The following SLC14A2 variants were observed in gnomAD, a reference collection of about 807,000 sequenced individuals.
The protein encoded by SLC14A2 is solute carrier family 14 member 2, also known as urea transporter 2.
SLC14A2 carries 91 observed loss-of-function variants against 104.6 expected under a neutral mutation model. The ratio of observed to expected loss-of-function variants is 0.87; its 90% CI spans 0.73 to 1.04. The LOEUF (loss-of-function observed/expected upper bound fraction) is 1.04, where lower values mean the gene tolerates loss of function less well. SLC14A2 is among the 50% of genes least tolerant of loss of function. SLC14A2 has a pLI of 0.00. For synonymous variants in SLC14A2, 476 were observed against 466.4 expected (o/e 1.02, Z -0.27); for missense variants, 1,189 against 1,156.0 (o/e 1.03, Z -0.41).
chr18:45,673,658 C>A lies in SLC14A2; in HGVS notation c.2378-25C>A, dbSNP rs374702472. 5 of 1,611,844 alleles carry A rather than the reference C, an allele frequency of 3.1e-6. No individual in the cohort carries two copies. In the East Asian group the frequency reaches 6.7e-5, roughly 22 times the overall value. ...GGGCCCCATAAGACCCTAGACCCAACCCTGATGCCTGCCTTCTGTCACAGC... is the reference window on the plus strand; with the variant it reads ...GGGCCCCATAAGACCCTAGACCCAAACCTGATGCCTGCCTTCTGTCACAGC... On this transcript the variant is annotated intron_variant, in intron 17 of 19. Transcript: ENST00000255226.
chr18:45,643,156 C>A lies in SLC14A2; in HGVS notation c.1151C>A (p.Ala384Glu). The change falls in exon 9 of 20, where the codon GCA (alanine) becomes GAA (glutamate). Residue 384 changes from alanine (A) to glutamate (E), a missense_variant. Ala to Glu is a moderately radical substitution (Grantham distance 107). Coordinates refer to ENST00000255226, the MANE Select transcript of SLC14A2 (RefSeq NM_007163.4). ...ICALFCAYME[A>E]AISNIMSVVG... ...GCCCTGTTCTGTGCATACATGGAAG[C>A]AGCCATCTCCAACATCATGTCAGTG... The A allele has an allele frequency of 3.1e-6, 5 of 1,614,164 alleles. No homozygotes were observed. Among genetic ancestry groups the A allele is most frequent in the Non-Finnish European group, 4.2e-6 (5 of 1,179,966 alleles).
At chr18:45,542,886 A>C (rs2043912334) in intron 2 of SLC14A2, among the ~76,000 whole-genome samples, 1 of 151,768 alleles carries the variant, frequency 6.6e-6, no homozygotes, top group African/African-American at 2.4e-5. Flanking sequence ...ATTTACTATA[A>C]TTTAATATTT....
intron 1 of SLC14A2, among the ~76,000 whole-genome samples, chr18:45,335,715 C>A (rs912924355): frequency 2.6e-5 from 4 of 152,132 alleles, no homozygotes; most frequent in African/African-American, 9.7e-5. Context: ...CCCTAAGAAA[C>A]CTGAAAAACT....
intron 1 of SLC14A2, among the ~76,000 whole-genome samples, chr18:45,249,784 T>C (rs1240305226): frequency 6.6e-6 from 1 of 152,074 alleles, no homozygotes; most frequent in Non-Finnish European, 1.5e-5. Context: ...GCTCTGTCTC[T>C]ACTAAAATTA....
chr18:45,235,790 T>G (rs2144031566), intron 1 of SLC14A2, among the ~76,000 whole-genome samples: 1 of 142,820 alleles, frequency 7.0e-6, no homozygotes, highest in East Asian at 2.0e-4. Flanking sequence ...TTCCAATGTG[T>G]ATGCGCGTGT....
chr18:45,440,548 A>T (rs1398753765), intron 1 of SLC14A2: 1 of 152,226 alleles, frequency 6.6e-6, no homozygotes, highest in East Asian at 1.9e-4. Context: ...GGGGGAGGCA[A>T]ACCTACCAGA....
intron 10 of SLC14A2, chr18:45,648,068 G>A (rs1444753641): frequency 6.8e-6 from 1 of 147,640 alleles, no homozygotes; most frequent in African/African-American, 2.5e-5. Context: ...ATTAATCTTT[G>A]CATTTCTAAA....
intron 1 of SLC14A2, among the ~76,000 whole-genome samples, chr18:45,273,360 A>G (rs2084670285): frequency 1.3e-5 from 2 of 152,238 alleles, no homozygotes; most frequent in South Asian, 4.1e-4. Context: ...TGAACCATTC[A>G]CTGTAGACAG....
At chr18:45,632,214 T>C (rs2045356490) in intron 4 of SLC14A2, 136 bp from the exon 5 acceptor site, 5 of 1,026,850 alleles carry the variant, frequency 4.9e-6, no homozygotes, top group South Asian at 1.6e-5. Flanking sequence ...CCAATATTCA[T>C]TGAGCGAACT....
At chr18:45,327,921 G>A (rs778186947) in intron 1 of SLC14A2, among the ~76,000 whole-genome samples, 25 of 152,132 alleles carry the variant, frequency 1.6e-4, no homozygotes, top group Non-Finnish European at 2.4e-4. Flanking sequence ...AGATTATGGT[G>A]CCTACTTTTC....
intron 1 of SLC14A2, among the ~76,000 whole-genome samples, chr18:45,261,910 T>G (rs1349458299): frequency 6.6e-6 from 1 of 152,232 alleles, no homozygotes; most frequent in Non-Finnish European, 1.5e-5. Flanking sequence ...TATAATCCTT[T>G]GGGTATATAC....
intron 19 of SLC14A2, among the ~76,000 whole-genome samples, chr18:45,679,814 G>A (rs982076089): frequency 5.3e-5 from 8 of 152,124 alleles, no homozygotes; most frequent in Admixed American, 2.0e-4. Flanking sequence ...ATACTATCCC[G>A]TCTTCCCCAG....
At chr18:45,608,059 ACT>A (rs2044899347) in intron 2 of SLC14A2, among the ~76,000 whole-genome samples, 3 of 152,236 alleles carry the variant, frequency 2.0e-5, no homozygotes, top group African/African-American at 2.4e-5. Flanking sequence ...ATTAACAGTT[ACT>A]TTCTGGTTTC....
At chr18:45,510,273 A>G (rs150715524) in intron 2 of SLC14A2, among the ~76,000 whole-genome samples, 107 of 152,324 alleles carry the variant, frequency 7.0e-4, no homozygotes, top group African/African-American at 2.5e-3. Context: ...CCCATGTGAT[A>G]GGGGAGAAAA....
At chr18:45,448,154 T>C (rs1421198) in intron 1 of SLC14A2, among the ~76,000 whole-genome samples, 39,553 of 152,224 alleles carry the variant, frequency 0.26, 6,258 homozygotes, top group Non-Finnish European at 0.36. Context: ...GCCTTGGCTT[T>C]TTATTTTTGT....
At chr18:45,255,960 CTA>C (rs1456488361) in intron 1 of SLC14A2, among the ~76,000 whole-genome samples, 1 of 152,086 alleles carries the variant, frequency 6.6e-6, no homozygotes, top group African/African-American at 2.4e-5. Flanking sequence ...TCTTAAAAGA[CTA>C]AGCCTTTTGA....
intron 2 of SLC14A2, among the ~76,000 whole-genome samples, chr18:45,496,673 C>T (rs2043103935): frequency 6.6e-6 from 1 of 152,182 alleles, no homozygotes; most frequent in African/African-American, 2.4e-5. Context: ...AACCCAGCTA[C>T]TGCAGAGGCT....
At chr18:45,354,827 T>C (rs1292252681) in intron 1 of SLC14A2, among the ~76,000 whole-genome samples, 2 of 152,252 alleles carry the variant, frequency 1.3e-5, no homozygotes, top group Non-Finnish European at 2.9e-5. Flanking sequence ...AACCTCCAAA[T>C]GACCTCTGGT....
At chr18:45,315,574 A>T (rs1483893265) in intron 1 of SLC14A2, among the ~76,000 whole-genome samples, 3 of 152,028 alleles carry the variant, frequency 2.0e-5, no homozygotes, top group Non-Finnish European at 4.4e-5. Context: ...CCCCATCCCT[A>T]ATTATATGTT....
Sources: allele counts gnomAD v4.1 joint callset (sites outside exome capture counted in the v4.1 genomes callset), GRCh38; gene constraint gnomAD v4.1.1; transcripts MANE v1.5; gene names NCBI Gene and HGNC (gene_info 2026-07-23, HGNC 2026-07-21).